Variants in LYN observed in about 807,000 individuals in gnomAD.
LYN encodes LYN proto-oncogene, Src family tyrosine kinase.
Under a neutral mutation model 65.0 loss-of-function variants are expected in LYN, and 12 were observed. The observed-to-expected ratio is 0.18, with a 90% CI of 0.12 to 0.30. The LOEUF (loss-of-function observed/expected upper bound fraction) is 0.30. Among genes scored for constraint, LYN ranks in the 10% least tolerant of loss-of-function variants. The pLI is 1.00. For missense variants in LYN, 380 were observed against 623.2 expected (o/e 0.61, Z 4.16); for synonymous variants, 222 against 221.2 (o/e 1.00, Z -0.03).
intron 1 of LYN, among the ~76,000 whole-genome samples, chr8:55,900,161 T>G (rs1805220114): frequency 6.6e-6 from 1 of 152,130 alleles, no homozygotes; most frequent in Non-Finnish European, 1.5e-5. Flanking sequence ...TTCTGCCAAC[T>G]TGGTGCAATT....
At chr8:55,916,493 A>G (rs1212740482) in intron 1 of LYN, among the ~76,000 whole-genome samples, 1 of 152,110 alleles carries the variant, frequency 6.6e-6, no homozygotes, top group Non-Finnish European at 1.5e-5. Flanking sequence ...TATGGTTCAC[A>G]AAAGCAGTGA....
intron 10 of LYN, among the ~76,000 whole-genome samples, chr8:55,978,326 G>A (rs183105711): frequency 1.3e-5 from 2 of 152,232 alleles, no homozygotes; most frequent in East Asian, 1.9e-4. Flanking sequence ...GGGCCTGAGC[G>A]AGGTCAGTGT....
chr8:55,997,518 C>T (rs1808404731), intron 10 of LYN, among the ~76,000 whole-genome samples: 1 of 152,118 alleles, frequency 6.6e-6, no homozygotes, highest in African/African-American at 2.4e-5. Flanking sequence ...GGCAAGGCAG[C>T]TCTCTGGGGT....
At chr8:55,997,384 C>T (rs1441116828) in intron 10 of LYN, among the ~76,000 whole-genome samples, 9 of 152,110 alleles carry the variant, frequency 5.9e-5, no homozygotes. Context: ...GTGGCTTAAA[C>T]GAGAGACATT....
At chr8:55,972,916 C>A (rs1031271490) in intron 10 of LYN, among the ~76,000 whole-genome samples, 1 of 152,158 alleles carries the variant, frequency 6.6e-6, no homozygotes, top group Non-Finnish European at 1.5e-5. Context: ...GATAATGATG[C>A]GACTTGCTGT....
intron 1 of LYN, among the ~76,000 whole-genome samples, chr8:55,911,142 T>C (rs558492171): frequency 0.025 from 459 of 18,230 alleles, 1 homozygote; most frequent in Non-Finnish European, 0.032. Context: ...TACATATATA[T>C]ACGTGTATAT....
intron 1 of LYN, among the ~76,000 whole-genome samples, chr8:55,927,672 TAAA>T (rs1179170006): frequency 5.9e-5 from 9 of 151,980 alleles, no homozygotes; most frequent in Non-Finnish European, 1.3e-4. Flanking sequence ...CTGTCTCTAT[TAAA>T]AATACAAAAA....
intron 1 of LYN, among the ~76,000 whole-genome samples, chr8:55,892,263 A>C (rs1459825848): frequency 6.6e-6 from 1 of 152,160 alleles, no homozygotes; most frequent in Admixed American, 6.5e-5. Flanking sequence ...TCTTCTAAAA[A>C]TCCAAAAATA....
In LYN at chr8:56,001,102, A is replaced by G. The variant is rs763191524; in HGVS notation, c.1336+1553A>G. Among the ~76,000 whole-genome samples the G allele has an allele frequency of 9.5e-4, 145 of 152,102 alleles. 1 individual carries two copies. The highest frequency in any genetic ancestry group is 1.7e-3 in the Non-Finnish European group (119 of 68,018). On this transcript the variant is annotated intron_variant, in intron 12 of 12. Coordinates refer to ENST00000519728, the MANE Select transcript of LYN (RefSeq NM_002350.4). ...TTTATTCCATGGTCCTGGCAGCAGC[A>G]GGGACTCACAGAGGGAGGGAGTCTT...
At chr8:55,936,015 C>T (rs904723137) in intron 1 of LYN, among the ~76,000 whole-genome samples, 17 of 152,116 alleles carry the variant, frequency 1.1e-4, no homozygotes, top group African/African-American at 2.4e-4. Context: ...GTCTCCTTTC[C>T]GAAAGTAAAG....
intron 1 of LYN, among the ~76,000 whole-genome samples, chr8:55,936,847 A>C (rs1196214310): frequency 2.0e-5 from 3 of 152,242 alleles, no homozygotes; most frequent in African/African-American, 4.8e-5. Flanking sequence ...ACAGCTTTGA[A>C]GCCAGACCAA....
chr8:55,953,153 G>A (rs1029318798), intron 7 of LYN, among the ~76,000 whole-genome samples: 2 of 152,290 alleles, frequency 1.3e-5, no homozygotes, highest in East Asian at 3.9e-4. Flanking sequence ...GTGTTCTGGG[G>A]CCTGGGGTCC....
intron 10 of LYN, among the ~76,000 whole-genome samples, chr8:55,992,101 T>C (rs1484943592): frequency 6.6e-6 from 1 of 152,220 alleles, no homozygotes; most frequent in Non-Finnish European, 1.5e-5. Context: ...AGAGACAGTT[T>C]AAATTAGTTC....
chr8:55,969,498 C>T (rs760230695), intron 9 of LYN, among the ~76,000 whole-genome samples: 25 of 152,186 alleles, frequency 1.6e-4, no homozygotes, highest in Non-Finnish European at 3.2e-4. Context: ...TTCTTTCTCA[C>T]CTGGAGCACA....
intron 1 of LYN, among the ~76,000 whole-genome samples, chr8:55,884,486 C>T (rs1485663826): frequency 6.6e-6 from 1 of 151,940 alleles, no homozygotes; most frequent in Non-Finnish European, 1.5e-5. Context: ...AGACAGAGTT[C>T]GCTCTTGTCA....
chr8:56,005,826 G>A (rs1808657005), intron 12 of LYN, among the ~76,000 whole-genome samples: 1 of 152,180 alleles, frequency 6.6e-6, no homozygotes, highest in Non-Finnish European at 1.5e-5. Flanking sequence ...GCTCATGCCT[G>A]TAATCCCAGC....
intron 1 of LYN, among the ~76,000 whole-genome samples, chr8:55,917,175 A>T (rs556098422): frequency 8.1e-6 from 1 of 123,760 alleles, no homozygotes; most frequent in East Asian, 2.1e-4. Context: ...GATTCTGTCT[A>T]AAAAAAAAAA....
chr8:55,927,444 A>G (rs1216792215), intron 1 of LYN, among the ~76,000 whole-genome samples: 2 of 152,108 alleles, frequency 1.3e-5, no homozygotes, highest in African/African-American at 2.4e-5. Context: ...AGCACTGAAT[A>G]GTGTTCTGTT....
intron 1 of LYN, among the ~76,000 whole-genome samples, chr8:55,919,402 T>C (rs1336780799): frequency 6.7e-6 from 1 of 149,646 alleles, no homozygotes; most frequent in Non-Finnish European, 1.5e-5. Context: ...GCTCTGTTAA[T>C]ATAGTGCTTT....
Sources: gnomAD v4.1 joint callset for allele counts (sites outside exome capture counted in the v4.1 genomes callset) on GRCh38, gnomAD v4.1.1 for gene constraint, MANE v1.5 for transcripts, NCBI Gene and HGNC (gene_info 2026-07-23, HGNC 2026-07-21) for gene names.